NRG3: variants seen among roughly 807,000 people sequenced by gnomAD.
NRG3 encodes pro-neuregulin-3, membrane-bound isoform.
A neutral mutation model predicts 66.9 loss-of-function variants in NRG3; 31 were observed. The ratio of observed to expected loss-of-function variants is 0.46; its 90% CI spans 0.35 to 0.63. The LOEUF is 0.63. NRG3 is among the 20% of genes least tolerant of loss of function. The pLI is 0.00. For synonymous variants in NRG3, 393 were observed against 359.4 expected, an observed-to-expected ratio of 1.09 and a Z score of -1.06; for missense variants, 910 against 878.9, an observed-to-expected ratio of 1.04 and a Z score of -0.45.
At chr10:82,864,394 G>A (rs1437715580) in intron 3 of NRG3, among the ~76,000 whole-genome samples, 1 of 152,004 alleles carries the variant, frequency 6.6e-6, no homozygotes, top group African/African-American at 2.4e-5. Context: ...GTAACTAGAT[G>A]CATGTTTTCT....
intron 3 of NRG3, among the ~76,000 whole-genome samples, chr10:82,746,597 C>T (rs1268653047): frequency 6.6e-6 from 1 of 152,160 alleles, no homozygotes; most frequent in Non-Finnish European, 1.5e-5. Context: ...TTTATAGTTT[C>T]AAAGTCAGAG....
chr10:82,501,929 G>C (rs1844226525), intron 2 of NRG3, among the ~76,000 whole-genome samples: 2 of 152,230 alleles, frequency 1.3e-5, no homozygotes, highest in South Asian at 4.1e-4. Flanking sequence ...GTTCACTGCT[G>C]TGTTCATGAC....
chr10:82,100,994 G>A (rs2066695216), intron 1 of NRG3, among the ~76,000 whole-genome samples: 1 of 151,980 alleles, frequency 6.6e-6, no homozygotes, highest in African/African-American at 2.4e-5. Context: ...TTGTTGGAAA[G>A]TTTTTAACAC....
chr10:82,847,041 A>T (rs2063339676), intron 3 of NRG3, among the ~76,000 whole-genome samples: 1 of 152,162 alleles, frequency 6.6e-6, no homozygotes, highest in Non-Finnish European at 1.5e-5. Flanking sequence ...CTCATCAGAG[A>T]TCCAGTTCCT....
chr10:82,267,423 G>T (rs2078356220), intron 1 of NRG3, among the ~76,000 whole-genome samples: 1 of 152,160 alleles, frequency 6.6e-6, no homozygotes, highest in Non-Finnish European at 1.5e-5. Context: ...CCAGTGGCAG[G>T]TCTCAAGAAA....
intron 1 of NRG3, among the ~76,000 whole-genome samples, chr10:82,064,278 C>T (rs527784449): frequency 1.6e-4 from 25 of 152,094 alleles, no homozygotes; most frequent in African/African-American, 6.0e-4. Context: ...TGGAGATTTG[C>T]CTGGTCCACC....
At chr10:82,854,962 T>G (rs1415143416) in intron 3 of NRG3, among the ~76,000 whole-genome samples, 1 of 152,174 alleles carries the variant, frequency 6.6e-6, no homozygotes, top group Non-Finnish European at 1.5e-5. Context: ...GGACTTACAA[T>G]CCTCTACCTT....
At chr10:82,184,292 G>T (rs1270102576) in intron 1 of NRG3, among the ~76,000 whole-genome samples, 1 of 152,082 alleles carries the variant, frequency 6.6e-6, no homozygotes, top group African/African-American at 2.4e-5. Context: ...AACAATAAAT[G>T]GACTCAAGAA....
intron 3 of NRG3, among the ~76,000 whole-genome samples, chr10:82,780,461 C>T (rs1207008853): frequency 1.4e-5 from 2 of 146,768 alleles, no homozygotes; most frequent in African/African-American, 2.5e-5. Flanking sequence ...AGCATTGCGC[C>T]TCTTTTTTTT....
intron 1 of NRG3, among the ~76,000 whole-genome samples, chr10:82,118,019 G>C (rs779147571): frequency 6.6e-6 from 1 of 152,048 alleles, no homozygotes; most frequent in African/African-American, 2.4e-5. Flanking sequence ...AAGAGGGCCG[G>C]TAGCACCAAC....
chr10:82,266,920 G>A (rs2078329551), intron 1 of NRG3, among the ~76,000 whole-genome samples: 1 of 152,146 alleles, frequency 6.6e-6, no homozygotes, highest in African/African-American at 2.4e-5. Context: ...TACCACAAAT[G>A]ATGCTCCTGT....
intron 4 of NRG3, among the ~76,000 whole-genome samples, chr10:82,875,323 C>A (rs1488949712): frequency 4.6e-5 from 7 of 152,096 alleles, no homozygotes; most frequent in Non-Finnish European, 8.8e-5. Context: ...ATTGTTTTCT[C>A]ATTTATTTTA....
At chr10:82,735,796 C>A (rs2058126415) in intron 2 of NRG3, among the ~76,000 whole-genome samples, 1 of 152,084 alleles carries the variant, frequency 6.6e-6, no homozygotes, top group South Asian at 2.1e-4. Context: ...AGTACAAATA[C>A]CTAATGCATG....
At chr10:82,544,485 A>T (rs1214798975) in intron 2 of NRG3, among the ~76,000 whole-genome samples, 4 of 152,148 alleles carry the variant, frequency 2.6e-5, no homozygotes, top group African/African-American at 9.7e-5. Context: ...CAACCACATG[A>T]CTTGATTTAG....
chr10:82,608,040 C>T (rs592734), intron 2 of NRG3, among the ~76,000 whole-genome samples: 88,660 of 151,990 alleles, frequency 0.58, 28,427 homozygotes, highest in African/African-American at 0.85. Flanking sequence ...ATGCTCTTCC[C>T]TTCTTTTTAT....
intron 2 of NRG3, among the ~76,000 whole-genome samples, chr10:82,401,684 G>A (rs751802078): frequency 4.6e-4 from 70 of 151,736 alleles, no homozygotes; most frequent in Non-Finnish European, 9.0e-4. Context: ...GAATACCTAG[G>A]GCCCTAGATC....
At chr10:82,513,999 T>C (rs2132471324) in intron 2 of NRG3, among the ~76,000 whole-genome samples, 1 of 152,270 alleles carries the variant, frequency 6.6e-6, no homozygotes, top group Non-Finnish European at 1.5e-5. Flanking sequence ...TTGAGAAGTG[T>C]CTGTTCATGT....
chr10:82,077,070 A>G (rs775193129), intron 1 of NRG3, among the ~76,000 whole-genome samples: 1 of 152,232 alleles, frequency 6.6e-6, no homozygotes, highest in Non-Finnish European at 1.5e-5. Flanking sequence ...AAATGATAGC[A>G]AATAACACAG....
intron 3 of NRG3, among the ~76,000 whole-genome samples, chr10:82,772,093 T>C (rs931914652): frequency 1.3e-5 from 2 of 152,172 alleles, no homozygotes; most frequent in Non-Finnish European, 2.9e-5. Flanking sequence ...TAACTTTTGA[T>C]GTCTACTTTT....
Sources: gnomAD v4.1 joint callset for allele counts (sites outside exome capture counted in the v4.1 genomes callset) on GRCh38, gnomAD v4.1.1 for gene constraint, MANE v1.5 for transcripts, NCBI Gene and HGNC (gene_info 2026-07-23, HGNC 2026-07-21) for gene names.